IKBKE: variants seen among roughly 807,000 people sequenced by gnomAD.
IKBKE encodes the protein inhibitor of nuclear factor kappa-B kinase subunit epsilon.
IKBKE carries 45 observed loss-of-function variants against 92.1 expected under a neutral mutation model. The observed-to-expected ratio is 0.49, with a 90% CI of 0.38 to 0.63. The LOEUF (loss-of-function observed/expected upper bound fraction) is 0.63, where lower values mean the gene tolerates loss of function less well. Among genes scored for constraint, IKBKE ranks in the 20% least tolerant of loss-of-function variants. The pLI is 0.00. For synonymous variants in IKBKE, 374 were observed against 380.3 expected (o/e 0.98, Z 0.19); for missense variants, 700 against 932.8 (o/e 0.75, Z 3.25).
chr1:206,492,442 C>T (rs1553390664), intron 18 of IKBKE: 2 of 471,338 alleles, frequency 4.2e-6, no homozygotes, highest in Non-Finnish European at 8.8e-6. Context: ...TATCAGAATA[C>T]CAATGCCTGC....
chr1:206,487,782 C>A lies in IKBKE; in HGVS notation c.1617-132C>A. 1.4e-6 allele frequency: 1 copy of A among 691,318 alleles called. No individual in the cohort carries two copies. Among genetic ancestry groups the A allele is most frequent in the Non-Finnish European group, 2.6e-6 (1 of 386,914 alleles). The allele number at this position is 691,318 out of a possible 1,614,324, so 42.8% of individuals were successfully genotyped here. ...CCTAGAGACGGGACAGCCACCTCCACTCCCAGACTGATCCCCCAAAACTGT... is the reference window on the plus strand; with the variant it reads ...CCTAGAGACGGGACAGCCACCTCCAATCCCAGACTGATCCCCCAAAACTGT... On this transcript the variant is annotated intron_variant, in intron 15 of 21. Transcript: ENST00000581977. This position sits in a 1 kb window ranked among gnomAD's most constrained non-coding sequence, Gnocchi z 5.3.
intron 10 of IKBKE, among the ~76,000 whole-genome samples, 183 bp downstream of exon 10, chr1:206,479,316 G>A (rs1553386381): frequency 1.3e-5 from 2 of 152,222 alleles, no homozygotes; most frequent in African/African-American, 4.8e-5. Context: ...ACGTGGGCTG[G>A]TGGCTTGACC....
chr1:206,481,766 C>CTTTTTTT (rs71152472), intron 13 of IKBKE, among the ~76,000 whole-genome samples: 7 of 46,558 alleles, frequency 1.5e-4, no homozygotes, highest in Non-Finnish European at 2.3e-4. Flanking sequence ...AAGGATGAGG[C>CTTTTTTT]TTTTTTTTTT....
intron 13 of IKBKE, among the ~76,000 whole-genome samples, chr1:206,480,874 G>A (rs1665344978): frequency 6.6e-6 from 1 of 152,162 alleles, no homozygotes; most frequent in African/African-American, 2.4e-5. Context: ...CCAAGTGCCA[G>A]CAGAACTCTA....
chr1:206,475,057 A>T, intron 5 of IKBKE, 63 bp downstream of exon 5: 1 of 1,561,346 alleles, frequency 6.4e-7, no homozygotes, highest in East Asian at 2.3e-5. Context: ...ACAGATGCTG[A>T]CAGGACTCAG....
In IKBKE at chr1:206,478,471, T is replaced by C. The variant is rs1321018058; in HGVS notation, c.992+132T>C. On this transcript the variant is annotated intron_variant, in intron 9 of 21. Coordinates refer to ENST00000581977, the MANE Select transcript of IKBKE (RefSeq NM_014002.4). The surrounding 1 kb of genome is among the most constrained non-coding windows in gnomAD (Gnocchi z 4.8). ...GGAACGCTTCCAGGTCCAAACGTAG[T>C]TGGGAAAAGACTAGTTCTACAAAGT... is the stretch of plus-strand genomic sequence containing the variant. 1.2e-5 allele frequency: 11 copies of C among 918,722 alleles called. No homozygotes were observed. The highest frequency in any genetic ancestry group is 9.8e-5 in the African/African-American group (6 of 60,976). 56.9% of individuals were successfully genotyped at this position (918,722 alleles called of 1,614,324 possible).
intron 21 of IKBKE, among the ~76,000 whole-genome samples, chr1:206,494,592 C>CTGTTTTTT: frequency 1.6e-5 from 1 of 63,906 alleles, no homozygotes; most frequent in South Asian, 6.3e-4. Context: ...AAAGTTCTTT[C>CTGTTTTTT]TTTTTTTTTT....
In IKBKE at chr1:206,472,880, A is replaced by G. The variant is rs1035598596; in HGVS notation, c.-32-316A>G. On this transcript the variant is annotated intron_variant, in intron 2 of 21. Coordinates refer to ENST00000581977, the MANE Select transcript of IKBKE (RefSeq NM_014002.4). ...GTGCTGGGGAGAGGTGGTAGAGACA[A>G]GAGGTTTGTCTCTGCAGAATGACCT... is the stretch of plus-strand genomic sequence containing the variant. The G allele has an allele frequency of 2.1e-5, 7 of 331,018 alleles. No individual in the cohort carries two copies. The Admixed American group carries it at 3.7e-4, about 18-fold the overall frequency. 20.5% of individuals were successfully genotyped at this position (331,018 alleles called of 1,614,324 possible).
Position 206,483,472 on chromosome 1 carries a change from G to A in IKBKE, c.1428-1525G>A, listed in dbSNP as rs149422996. Among the ~76,000 whole-genome samples, 684 of 152,290 alleles carry A rather than the reference G, an allele frequency of 4.5e-3. 3 individuals are homozygous for A. Among genetic ancestry groups the A allele is most frequent in the Middle Eastern group, 0.034 (10 of 294 alleles). ...ATGTGCCGAACACGTTGCTAGGCAC[G>A]AGACGTACGAGGAGCAAAGCGACGG... On this transcript the variant is annotated intron_variant, in intron 13 of 21. Coordinates refer to ENST00000581977, the MANE Select transcript of IKBKE (RefSeq NM_014002.4).
intron 16 of IKBKE, among the ~76,000 whole-genome samples, chr1:206,489,426 T>G (rs41299334): frequency 0.13 from 19,247 of 147,194 alleles, 2,315 homozygotes; most frequent in East Asian, 0.46. Flanking sequence ...CATGGAGCTG[T>G]GTGCAGTGGC....
At position 206,474,948 on chromosome 1, in the gene IKBKE, C is replaced by A. The variant is rs782376216; in HGVS notation, c.312C>A (p.Ala104=). 5 of 1,614,110 alleles carry A rather than the reference C, an allele frequency of 3.1e-6. No homozygotes were observed. In the East Asian group the frequency reaches 6.7e-5, roughly 22 times the overall value. The change falls in exon 5 of 22, where the codon GCC becomes GCA. Residue 104 remains alanine (A), a synonymous_variant. Transcript: ENST00000581977. The stretch of plus-strand genomic sequence containing the variant: ...GTGTGCTGGAGAGCCCTGAGAATGC[C>A]TTTGGGCTGCCTGAGGATGAGTTCC... ...LLSVLESPEN[A]FGLPEDEFLV...
rs782681154 is a variant in IKBKE, at chr1:206,479,114, G to C, written c.1164G>C (p.Lys388Asn). ...CCCTCTTCAGCACAGCCATCCCTAA[G>C]GGGCTGGCCTTCAGGGACCGTGAGT... ...PLTLFSTAIP[K>N]GLAFRDPALD... The change falls in exon 10 of 22, where the codon AAG (lysine) becomes AAC (asparagine). Residue 388 changes from lysine to asparagine, a missense_variant. Lys to Asn is a moderately conservative substitution (Grantham distance 94). Coordinates refer to ENST00000581977, the MANE Select transcript of IKBKE (RefSeq NM_014002.4). The C allele has an allele frequency of 7.5e-6, 12 of 1,606,664 alleles. No individual in the cohort carries two copies. The highest frequency in any genetic ancestry group is 1.3e-5 in the African/African-American group (1 of 74,864).
intron 18 of IKBKE, 49 bp from the exon 19 acceptor site, chr1:206,492,974 A>T: frequency 6.7e-7 from 1 of 1,491,208 alleles, no homozygotes. Flanking sequence ...AGCCCTGGGG[A>T]ATGGGCTGAG....
chr1:206,488,231 C>T lies in IKBKE; in HGVS notation c.1693+241C>T, dbSNP rs112338281. 4.6e-4 allele frequency among the ~76,000 whole-genome samples: 70 copies of T among 152,388 alleles called. 1 individual carries two copies. Among genetic ancestry groups the T allele is most frequent in the African/African-American group, 1.5e-3 (62 of 41,602 alleles). On this transcript the variant is annotated intron_variant, in intron 16 of 21. Coordinates refer to ENST00000581977, the MANE Select transcript of IKBKE (RefSeq NM_014002.4). ...GGACATGAAACCTTTACATGCCTGCCTGTTGCCACATGAGAGACTTGGATC... is the reference window on the plus strand; with the variant it reads ...GGACATGAAACCTTTACATGCCTGCTTGTTGCCACATGAGAGACTTGGATC...
Position 206,478,201 on chromosome 1 carries a change from T to C in IKBKE, c.854T>C (p.Leu285Pro). 1 of 1,614,150 alleles carries C rather than the reference T, an allele frequency of 6.2e-7. No individual in the cohort carries two copies. The highest frequency in any genetic ancestry group is 8.5e-7 in the Non-Finnish European group (1 of 1,180,028). Reference protein sequence around the residue: ...SQLVPILANILEVEQAKCWGF... With the variant: ...SQLVPILANIPEVEQAKCWGF... ...CTGGTGCCCATCCTGGCCAACATCC[T>C]GGAGGTGGAGCAGGCCAAGTGCTGG... The change falls in exon 9 of 22, where the codon CTG becomes CCG. Residue 285 changes from leucine (L) to proline (P), a missense_variant. Leu to Pro is a moderately conservative substitution (Grantham distance 98). Transcript: ENST00000581977. This position sits in a 1 kb window ranked among gnomAD's most constrained non-coding sequence, Gnocchi z 4.8.
chr1:206,476,321 G>A lies in IKBKE; in HGVS notation c.499G>A (p.Asp167Asn), dbSNP rs374373296. The change falls in exon 6 of 22, where the codon GAT becomes AAT. Residue 167 changes from aspartate to asparagine, a missense_variant. By Grantham distance (23) the Asp-to-Asn change is conservative (BLOSUM62 1). Transcript: ENST00000581977. The surrounding 1 kb of genome is among the most constrained non-coding windows in gnomAD (Gnocchi z 5.1). ...DFGAARELDDDEKFVSVYGTE... is the reference protein window; with the variant it reads ...DFGAARELDDNEKFVSVYGTE... The stretch of plus-strand genomic sequence containing the variant: ...CGGCGCTGCCCGGGAGCTGGATGAT[G>A]ATGAGAAGTTCGTCTCGGTCTATGG... 1 of 1,613,898 alleles carries A rather than the reference G, an allele frequency of 6.2e-7. No homozygotes were observed. The highest frequency in any genetic ancestry group is 8.5e-7 in the Non-Finnish European group (1 of 1,179,914).
At chr1:206,479,754 G>A in intron 10 of IKBKE, 116 bp from the exon 11 acceptor site, 1 of 1,125,992 alleles carries the variant, frequency 8.9e-7, no homozygotes, top group Non-Finnish European at 1.3e-6. Flanking sequence ...AGGGTGAGTT[G>A]TGAAGCCTGA....
intron 16 of IKBKE, among the ~76,000 whole-genome samples, chr1:206,488,948 C>T (rs1003857263): frequency 2.0e-5 from 3 of 151,900 alleles, no homozygotes; most frequent in African/African-American, 7.3e-5. Context: ...AAGGAAATAC[C>T]TTATATTCTT....
Position 206,487,968 on chromosome 1 carries a change from C to T in IKBKE, c.1671C>T (p.Phe557=). 1 of 1,613,618 alleles carries T rather than the reference C, an allele frequency of 6.2e-7. No individual in the cohort carries two copies. Among genetic ancestry groups the T allele is most frequent in the Non-Finnish European group, 8.5e-7 (1 of 1,179,766 alleles). ...LDKMNFIYKQ[F]KKSRMRPGLG... ...AGATGAACTTCATCTACAAACAGTT[C>T]AAGAAGTCTAGGATGAGGCCAGGTG... is the stretch of plus-strand genomic sequence containing the variant. Residue 557 remains phenylalanine, a synonymous_variant, in exon 16 of 22, where the codon TTC becomes TTT. Transcript: ENST00000581977. The surrounding 1 kb of genome is among the most constrained non-coding windows in gnomAD (Gnocchi z 5.3).
Sources: gnomAD v4.1 joint callset for allele counts (sites outside exome capture counted in the v4.1 genomes callset) on GRCh38, gnomAD v4.1.1 for gene constraint, Gnocchi (gnomAD v3.1) non-coding constraint, MANE v1.5 for transcripts, NCBI Gene and HGNC (gene_info 2026-07-23, HGNC 2026-07-21) for gene names.